The following S1PR5 variants were observed in gnomAD, a reference collection of about 807,000 sequenced individuals.
S1PR5 encodes the protein sphingosine-1-phosphate receptor 5, also known as sphingosine 1-phosphate receptor 5.
For missense variants in S1PR5, 583 were observed against 571.7 expected (o/e 1.02, Z -0.20); for synonymous variants, 307 against 284.7 (o/e 1.08, Z -0.79).
At position 10,514,384 on chromosome 19, in the gene S1PR5, C is replaced by T; in HGVS notation, c.628G>A (p.Ala210Thr). ...AFVGILAAIC[A>T]LYARIYCQVR... ...TGGCAGTAGATGCGCGCGTAGAGTGCACAGATAGCGGCCAGGATGCCCACG... is the reference window on the plus strand; with the variant it reads ...TGGCAGTAGATGCGCGCGTAGAGTGTACAGATAGCGGCCAGGATGCCCACG... The change falls in exon 2 of 2, where the codon GCA becomes ACA. Residue 210 changes from alanine to threonine, a missense_variant. Physicochemically the swap from Ala to Thr is moderately conservative, Grantham distance 58. Transcript: ENST00000333430. The T allele has an allele frequency of 1.2e-6, 2 of 1,600,932 alleles. No individual in the cohort carries two copies. Among genetic ancestry groups the T allele is most frequent in the Non-Finnish European group, 1.7e-6 (2 of 1,174,836 alleles).
chr19:10,516,155 G>A (rs768253763), intron 1 of S1PR5, among the ~76,000 whole-genome samples: 27 of 152,082 alleles, frequency 1.8e-4, no homozygotes, highest in African/African-American at 5.6e-4. Context: ...TCAGTCACAC[G>A]AATACAGGGT....
intron 1 of S1PR5, among the ~76,000 whole-genome samples, chr19:10,516,536 G>A (rs1915441392): frequency 6.6e-6 from 1 of 150,866 alleles, no homozygotes; most frequent in African/African-American, 2.4e-5. Flanking sequence ...GAGCCTGGGA[G>A]GCCGAGGCTG....
In S1PR5 at chr19:10,513,822, G is replaced by T; in HGVS notation, c.1190C>A (p.Ala397Glu). 6.2e-7 allele frequency: 1 copy of T among 1,612,650 alleles called. No individual in the cohort carries two copies. The highest frequency in any genetic ancestry group is 8.5e-7 in the Non-Finnish European group (1 of 1,179,726). Residue 397 changes from alanine (A) to glutamate (E), a missense_variant, in exon 2 of 2, where the codon GCA becomes GAA. Ala to Glu is a moderately radical substitution (Grantham distance 107). Coordinates refer to ENST00000333430, the MANE Select transcript of S1PR5 (RefSeq NM_030760.5). ...AARTLVSEPA[A>E]D Reference sequence around the variant, plus strand: ...AGTCGTGGGCCGAGGGTGTCAGTCTGCAGCCGGTTCTGATACCAGAGTCCG... The same window carrying T: ...AGTCGTGGGCCGAGGGTGTCAGTCTTCAGCCGGTTCTGATACCAGAGTCCG...
In S1PR5 at chr19:10,514,189, C is replaced by A; in HGVS notation, c.823G>T (p.Val275Leu). The A allele has an allele frequency of 1.9e-6, 3 of 1,612,322 alleles. No individual in the cohort carries two copies. The highest frequency in any genetic ancestry group is 2.5e-6 in the Non-Finnish European group (3 of 1,179,620). The change falls in exon 2 of 2, where the codon GTG (valine) becomes TTG (leucine). Residue 275 changes from valine (V) to leucine (L), a missense_variant. Val to Leu is a conservative substitution (Grantham distance 32). Coordinates refer to ENST00000333430, the MANE Select transcript of S1PR5 (RefSeq NM_030760.5). ...GGACAGGTGCGCGCCGGGCACGCCACGTCGAGCAACAGCAGCAGGAAGAGG... is the reference window on the plus strand; with the variant it reads ...GGACAGGTGCGCGCCGGGCACGCCAAGTCGAGCAACAGCAGCAGGAAGAGG... ...GPLFLLLLLD[V>L]ACPARTCPVL...
In S1PR5 at chr19:10,514,913, A is replaced by C; in HGVS notation, c.99T>G (p.Gly33=). 2 of 1,610,604 alleles carry C rather than the reference A, an allele frequency of 1.2e-6. No individual in the cohort carries two copies. Among genetic ancestry groups the C allele is most frequent in the Non-Finnish European group, 1.7e-6 (2 of 1,178,950 alleles). The change falls in exon 2 of 2, where the codon GGT becomes GGG. Residue 33 remains glycine, a synonymous_variant. Transcript: ENST00000333430. ...CCACGGCGTCGGCGCGCAGGCCGGC[A>C]CCCGGCTGGTAGCGCGCACCGCGGA... ...GKLRGARYQP[G]AGLRADAVVC...
chr19:10,517,774 C>A, upstream of S1PR5: 1 of 872,984 alleles, frequency 1.1e-6, no homozygotes, highest in South Asian at 5.2e-5. Flanking sequence ...GCGGAGGGGT[C>A]TCCTCTGTCC....
Position 10,514,895 on chromosome 19 carries a change from G to T in S1PR5, c.117C>A (p.Asp39Glu), listed in dbSNP as rs375015034. 32 of 1,611,456 alleles carry T rather than the reference G, an allele frequency of 2.0e-5. No individual in the cohort carries two copies. Among genetic ancestry groups the T allele is most frequent in the Non-Finnish European group, 2.6e-5 (31 of 1,179,078 alleles). ...CGCACACCGCCAGGCACACCACGGCGTCGGCGCGCAGGCCGGCACCCGGCT... is the reference window on the plus strand; with the variant it reads ...CGCACACCGCCAGGCACACCACGGCTTCGGCGCGCAGGCCGGCACCCGGCT... The part of the protein sequence containing the change: ...RYQPGAGLRA[D>E]AVVCLAVCAF... The change falls in exon 2 of 2, where the codon GAC (aspartate) becomes GAA (glutamate). Residue 39 changes from aspartate to glutamate, a missense_variant. Physicochemically the swap from Asp to Glu is conservative, Grantham distance 45. Transcript: ENST00000333430.
rs1915375736 is a variant in S1PR5, at chr19:10,514,424, G to A, written c.588C>T (p.Phe196=). 1.9e-6 allele frequency: 3 copies of A among 1,609,774 alleles called. No individual in the cohort carries two copies. The highest frequency in any genetic ancestry group is 2.5e-6 in the Non-Finnish European group (3 of 1,178,478). Residue 196 remains phenylalanine, a synonymous_variant, in exon 2 of 2, where the codon TTC becomes TTT. Coordinates refer to ENST00000333430, the MANE Select transcript of S1PR5 (RefSeq NM_030760.5). ...LPLYAKAYVL[F]CVLAFVGILA... is the part of the protein sequence containing the mutation. ...GGATGCCCACGAAGGCGAGCACGCA[G>A]AAGAGCACGTAGGCCTTGGCGTAGA...
chr19:10,515,438 TC>T (rs1434771381), intron 1 of S1PR5, among the ~76,000 whole-genome samples: 8 of 151,816 alleles, frequency 5.3e-5, no homozygotes, highest in Admixed American at 1.3e-4. Context: ...GGTGAACCCC[TC>T]CGTCTCTGCT....
At chr19:10,515,991 G>A (rs570914319) in intron 1 of S1PR5, among the ~76,000 whole-genome samples, 2 of 152,080 alleles carry the variant, frequency 1.3e-5, no homozygotes, top group African/African-American at 4.8e-5. Flanking sequence ...TAAACACACA[G>A]AACGCACACA....
At chr19:10,517,342 C>T in intron 1 of S1PR5, 56 bp downstream of exon 1, 3 of 980,326 alleles carry the variant, frequency 3.1e-6, no homozygotes, top group Non-Finnish European at 2.4e-6. Context: ...CCAGGGCGAC[C>T]CCCTCCGGGT....
In S1PR5 at chr19:10,513,694, GC is replaced by G; in HGVS notation, c.*120del. On this transcript the variant is annotated 3_prime_UTR_variant, in exon 2 of 2. Transcript: ENST00000333430. ...TTTGTTCACATTGTGGGGTGTCGCT[GC>G]ATAAATACATTTCCCCTGCATCTTT... 1 of 1,379,500 alleles carries G rather than the reference GC, an allele frequency of 7.2e-7. No individual in the cohort carries two copies. The highest frequency in any genetic ancestry group is 1.5e-5 in the African/African-American group (1 of 67,284). 85.5% of individuals were successfully genotyped at this position (1,379,500 alleles called of 1,614,324 possible).
chr19:10,517,645 G>T (rs1207791887), upstream of S1PR5: 1 of 985,086 alleles, frequency 1.0e-6, no homozygotes, highest in African/African-American at 1.7e-5. Flanking sequence ...GCCCTCAGCT[G>T]CCCCCTCCGG....
chr19:10,515,068 C>G, intron 1 of S1PR5, 39 bp from the exon 2 acceptor site: 2 of 1,506,054 alleles, frequency 1.3e-6, no homozygotes, highest in South Asian at 1.3e-5. Flanking sequence ...GCCGCGGTCC[C>G]CGTAAGCACG....
Position 10,514,898 on chromosome 19 carries a change from G to T in S1PR5, c.114C>A (p.Ala38=), listed in dbSNP as rs1184574402. Residue 38 remains alanine, a synonymous_variant, in exon 2 of 2, where the codon GCC becomes GCA. Coordinates refer to ENST00000333430, the MANE Select transcript of S1PR5 (RefSeq NM_030760.5). ...ARYQPGAGLR[A]DAVVCLAVCA... ...ACACCGCCAGGCACACCACGGCGTC[G>T]GCGCGCAGGCCGGCACCCGGCTGGT... 3 of 1,611,382 alleles carry T rather than the reference G, an allele frequency of 1.9e-6. No homozygotes were observed. The highest frequency in any genetic ancestry group is 2.5e-6 in the Non-Finnish European group (3 of 1,179,036).
Position 10,513,659 on chromosome 19 carries a change from T to A in S1PR5, c.*156A>T. ...ACGTCAATTCCACGAGGGCACAGAT[T>A]TTTTGTCTGTTTGTTCACATTGTGG... On this transcript the variant is annotated 3_prime_UTR_variant, in exon 2 of 2. Transcript: ENST00000333430. 1 of 1,063,452 alleles carries A rather than the reference T, an allele frequency of 9.4e-7. No individual in the cohort carries two copies. The highest frequency in any genetic ancestry group is 2.6e-5 in the East Asian group (1 of 37,956). The allele number at this position is 1,063,452 out of a possible 1,614,324, so 65.9% of individuals were successfully genotyped here.
intron 1 of S1PR5, among the ~76,000 whole-genome samples, chr19:10,515,301 G>C (rs865796571): frequency 6.6e-5 from 10 of 152,104 alleles, no homozygotes; most frequent in Non-Finnish European, 2.9e-5. Context: ...GGCTGGGCGC[G>C]GTGGCTCAGG....
chr19:10,517,537 C>G, upstream of S1PR5: 1 of 985,410 alleles, frequency 1.0e-6, no homozygotes, highest in African/African-American at 1.7e-5. Flanking sequence ...CAGCAGTTGC[C>G]CCCTCCCCTT....
At chr19:10,515,116 A>G in intron 1 of S1PR5, 87 bp from the exon 2 acceptor site, 1 of 1,487,552 alleles carries the variant, frequency 6.7e-7, no homozygotes, top group Non-Finnish European at 8.9e-7. Context: ...AAGGGGCCCT[A>G]CCCACTGACC....
Sources: gnomAD v4.1 joint callset for allele counts (sites outside exome capture counted in the v4.1 genomes callset) on GRCh38, gnomAD v4.1.1 for gene constraint, MANE v1.5 for transcripts, NCBI Gene and HGNC (gene_info 2026-07-23, HGNC 2026-07-21) for gene names.